TMEFF2: variants seen among roughly 807,000 people sequenced by gnomAD.
The protein encoded by TMEFF2 is transmembrane protein with EGF like and two follistatin like domains 2, also known as tomoregulin-2.
Under a neutral mutation model 53.8 loss-of-function variants are expected in TMEFF2, and 28 were observed. The observed-to-expected ratio is 0.52, with a 90% CI of 0.39 to 0.71. The LOEUF (loss-of-function observed/expected upper bound fraction) is 0.71, where lower values mean the gene tolerates loss of function less well. Ranked by LOEUF, TMEFF2 falls within the 30% of genes least tolerant of loss-of-function variation. The pLI is 0.00. For synonymous variants in TMEFF2, 162 were observed against 166.3 expected (o/e 0.97, Z 0.20); for missense variants, 353 against 455.2 (o/e 0.78, Z 2.04).
chr2:192,133,068 G>A (rs1464989195), intron 4 of TMEFF2, among the ~76,000 whole-genome samples: 5 of 152,094 alleles, frequency 3.3e-5, no homozygotes, highest in Admixed American at 6.5e-5. Context: ...GGTATTGACG[G>A]CCAGGCTTCT....
At chr2:191,995,807 T>C (rs1686209015) in intron 7 of TMEFF2, among the ~76,000 whole-genome samples, 2 of 152,002 alleles carry the variant, frequency 1.3e-5, no homozygotes, top group Admixed American at 1.3e-4. Flanking sequence ...CAAGCTTCAA[T>C]TGACATTATC....
intron 5 of TMEFF2, among the ~76,000 whole-genome samples, chr2:191,999,725 C>G (rs1686310767): frequency 6.6e-6 from 1 of 151,858 alleles, no homozygotes; most frequent in Non-Finnish European, 1.5e-5. Flanking sequence ...ATAAAATGTA[C>G]TAAAAGGACC....
At chr2:192,169,744 C>A (rs184180656) in intron 4 of TMEFF2, among the ~76,000 whole-genome samples, 2 of 152,118 alleles carry the variant, frequency 1.3e-5, no homozygotes, top group Admixed American at 1.3e-4. Context: ...GAACTATTCA[C>A]AATGGAAAAT....
intron 2 of TMEFF2, among the ~76,000 whole-genome samples, chr2:192,185,372 G>A (rs556431043): frequency 6.6e-6 from 1 of 152,050 alleles, no homozygotes; most frequent in East Asian, 1.9e-4. Flanking sequence ...TACTACTTAT[G>A]TGCTTCATTG....
rs562771547 is a variant in TMEFF2 at position 192,105,063 on chromosome 2, G to A, written c.440-47288C>T. Among the ~76,000 whole-genome samples the A allele has an allele frequency of 3.9e-5, 6 of 151,998 alleles. No homozygotes were observed. In the East Asian group the frequency reaches 9.7e-4, roughly 24 times the overall value. On this transcript the variant is annotated intron_variant, in intron 4 of 9. Coordinates refer to ENST00000272771, the MANE Select transcript of TMEFF2 (RefSeq NM_016192.4). ...AGGCTGCTTTTGAATTTTGTCACAT[G>A]AATTATTACCAGAATCCTTTAAATA... is the stretch of plus-strand genomic sequence containing the variant.
chr2:192,049,279 T>C (rs1180344112), intron 5 of TMEFF2, among the ~76,000 whole-genome samples: 3 of 152,298 alleles, frequency 2.0e-5, no homozygotes, highest in South Asian at 2.1e-4. Flanking sequence ...TGTGGCTCTC[T>C]CACTTGCTGT....
chr2:192,092,882 C>T (rs1326854934), intron 4 of TMEFF2, among the ~76,000 whole-genome samples: 1 of 152,116 alleles, frequency 6.6e-6, no homozygotes, highest in East Asian at 1.9e-4. Flanking sequence ...ATAAGGAATG[C>T]AGCCCTTCCC....
At chr2:192,015,483 TCTA>T (rs1279749573) in intron 5 of TMEFF2, among the ~76,000 whole-genome samples, 1 of 152,014 alleles carries the variant, frequency 6.6e-6, no homozygotes, top group East Asian at 1.9e-4. Context: ...CACATTAGGG[TCTA>T]CTGTTTTTTA....
intron 2 of TMEFF2, among the ~76,000 whole-genome samples, chr2:192,186,833 G>A (rs2106043745): frequency 6.6e-6 from 1 of 152,258 alleles, no homozygotes; most frequent in Non-Finnish European, 1.5e-5. Flanking sequence ...TGAACTGGGA[G>A]TGGAGAGTGG....
At chr2:192,047,814 G>T (rs1687661050) in intron 5 of TMEFF2, among the ~76,000 whole-genome samples, 1 of 152,092 alleles carries the variant, frequency 6.6e-6, no homozygotes, top group Non-Finnish European at 1.5e-5. Context: ...AATGTGTCTG[G>T]AACAGACTGA....
chr2:192,194,649 C>T lies in TMEFF2; in HGVS notation c.-125G>A. 2 of 1,087,492 alleles carry T rather than the reference C, an allele frequency of 1.8e-6. No individual in the cohort carries two copies. Among genetic ancestry groups the T allele is most frequent in the South Asian group, 1.5e-5 (1 of 68,108 alleles). 67.4% of individuals were successfully genotyped at this position (1,087,492 alleles called of 1,614,324 possible). ...GCAGAGGCGGCGGCGGTGGCAGTGG[C>T]ACCCGGCGGGGAAGCAGCAGCCAAA... On this transcript the variant is annotated 5_prime_UTR_variant, in exon 1 of 10. Transcript: ENST00000272771. This position sits in a 1 kb window ranked among gnomAD's most constrained non-coding sequence, Gnocchi z 4.2.
At chr2:192,146,895 T>C (rs535113882) in intron 4 of TMEFF2, among the ~76,000 whole-genome samples, 3 of 152,240 alleles carry the variant, frequency 2.0e-5, no homozygotes, top group Non-Finnish European at 2.9e-5. Flanking sequence ...AGGGGAATTT[T>C]TTATTTGGAA....
At position 192,046,982 on chromosome 2, in the gene TMEFF2, G is replaced by A. The variant is rs1202532294; in HGVS notation, c.536+10697C>T. ...GTCACCCAGGCTGGAGTGCAGTGGC[G>A]TGATCTTGGCTCACTGCAGCCTCTG... On this transcript the variant is annotated intron_variant, in intron 5 of 9. Transcript: ENST00000272771. Among the ~76,000 whole-genome samples the A allele has an allele frequency of 4.0e-5, 6 of 151,306 alleles. No individual in the cohort carries two copies. In the South Asian group the frequency reaches 8.3e-4, roughly 21 times the overall value.
chr2:192,076,063 G>C (rs900760935), intron 4 of TMEFF2, among the ~76,000 whole-genome samples: 2 of 152,038 alleles, frequency 1.3e-5, no homozygotes, highest in African/African-American at 4.8e-5. Flanking sequence ...ATTTTGCTGT[G>C]TGTTAGCAGC....
intron 7 of TMEFF2, among the ~76,000 whole-genome samples, chr2:191,996,650 T>C (rs961487169): frequency 6.6e-5 from 10 of 151,936 alleles, no homozygotes; most frequent in Non-Finnish European, 1.3e-4. Context: ...CAAAAATGTG[T>C]TATCAAACAA....
At chr2:191,956,414 A>G in intron 7 of TMEFF2, 36 bp from the exon 8 acceptor site, 1 of 1,599,672 alleles carries the variant, frequency 6.3e-7, no homozygotes, top group Non-Finnish European at 8.5e-7. Context: ...CCCCCTGTAA[A>G]TACTTAGCCT....
chr2:192,188,693 G>T (rs72920038), intron 2 of TMEFF2, among the ~76,000 whole-genome samples: 2,068 of 152,108 alleles, frequency 0.014, 22 homozygotes, highest in Non-Finnish European at 0.02. Flanking sequence ...AAAACATAAG[G>T]CTTCATCATA....
intron 5 of TMEFF2, among the ~76,000 whole-genome samples, chr2:192,023,197 T>C (rs1282847626): frequency 6.6e-6 from 1 of 152,186 alleles, no homozygotes; most frequent in Non-Finnish European, 1.5e-5. Context: ...GTGCCTAGGC[T>C]TTTATCTAAA....
chr2:192,023,682 CTGTT>C (rs760964091), intron 5 of TMEFF2, among the ~76,000 whole-genome samples: 1,551 of 144,284 alleles, frequency 0.011, 21 homozygotes, highest in African/African-American at 0.027. Flanking sequence ...CTCTGTCTGT[CTGTT>C]TGTTTATCTT....
Sources: allele counts gnomAD v4.1 joint callset (sites outside exome capture counted in the v4.1 genomes callset), GRCh38; gene constraint gnomAD v4.1.1; non-coding constraint Gnocchi (gnomAD v3.1); transcripts MANE v1.5; gene names NCBI Gene and HGNC (gene_info 2026-07-23, HGNC 2026-07-21).